ASIC2: variants seen among roughly 807,000 people sequenced by gnomAD.
ASIC2 encodes acid sensing ion channel subunit 2.
A neutral mutation model predicts 57.3 loss-of-function variants in ASIC2; 25 were observed. The ratio of observed to expected loss-of-function variants is 0.44; its 90% confidence interval spans 0.32 to 0.61. The LOEUF is 0.61. Ranked by LOEUF, ASIC2 falls within the 20% of genes least tolerant of loss-of-function variation. The probability of loss-of-function intolerance (pLI) is 0.06; values close to 1 mark genes in which losing one functional copy is unlikely to be tolerated. For missense variants in ASIC2, 641 were observed against 738.1 expected (o/e 0.87, Z 1.52); for synonymous variants, 319 against 307.5 (o/e 1.04, Z -0.39).
intron 1 of ASIC2, among the ~76,000 whole-genome samples, chr17:33,613,062 A>C (rs986017020): frequency 2.0e-5 from 3 of 152,160 alleles, no homozygotes; most frequent in Admixed American, 2.0e-4. Context: ...ATTACCAGAG[A>C]GCCTTGGGGT....
At chr17:33,021,162 T>TGCCCCCCC in intron 7 of ASIC2, 57 bp downstream of exon 7, 1 of 694,008 alleles carries the variant, frequency 1.4e-6, no homozygotes, top group South Asian at 1.5e-5. Flanking sequence ...CTGTGCATCC[T>TGCCCCCCC]CCCTCCCTCC....
intron 1 of ASIC2, among the ~76,000 whole-genome samples, chr17:33,704,871 T>C (rs566176812): frequency 6.6e-5 from 10 of 152,318 alleles, no homozygotes; most frequent in South Asian, 2.1e-4. Flanking sequence ...AGGTACGAAG[T>C]AGATATACTA....
At chr17:33,538,095 G>T (rs1915292896) in intron 1 of ASIC2, among the ~76,000 whole-genome samples, 1 of 152,216 alleles carries the variant, frequency 6.6e-6, no homozygotes, top group Non-Finnish European at 1.5e-5. Flanking sequence ...TGCTTGGCAT[G>T]CAGTAAGTGT....
intron 1 of ASIC2, among the ~76,000 whole-genome samples, chr17:33,443,330 T>C (rs1911889495): frequency 6.6e-6 from 1 of 151,946 alleles, no homozygotes; most frequent in South Asian, 2.1e-4. Context: ...GTATTGTTTC[T>C]TCTTTAAAAA....
intron 1 of ASIC2, among the ~76,000 whole-genome samples, chr17:33,122,484 A>T (rs1285567122): frequency 6.6e-6 from 1 of 152,174 alleles, no homozygotes; most frequent in Non-Finnish European, 1.5e-5. Context: ...TTCTGGGCTC[A>T]TGGTTCCTGT....
intron 1 of ASIC2, among the ~76,000 whole-genome samples, chr17:34,032,341 C>T (rs1249214151): frequency 1.3e-5 from 2 of 151,904 alleles, no homozygotes; most frequent in Non-Finnish European, 2.9e-5. Context: ...CAGGCCTGCC[C>T]TACAAGAGCT....
At chr17:33,592,460 G>C (rs1904857515) in intron 1 of ASIC2, among the ~76,000 whole-genome samples, 1 of 152,278 alleles carries the variant, frequency 6.6e-6, no homozygotes, top group African/African-American at 2.4e-5. Flanking sequence ...GGGAAGCTTA[G>C]AGGGGGTCAG....
intron 2 of ASIC2, among the ~76,000 whole-genome samples, chr17:33,098,175 T>G (rs967642929): frequency 6.6e-6 from 1 of 152,198 alleles, no homozygotes; most frequent in Admixed American, 6.5e-5. Flanking sequence ...GCAAATGTCT[T>G]TACCTCACTG....
intron 1 of ASIC2, among the ~76,000 whole-genome samples, chr17:33,546,087 G>C (rs570743206): frequency 6.7e-6 from 1 of 149,608 alleles, no homozygotes; most frequent in African/African-American, 2.5e-5. Flanking sequence ...TGCATTTATG[G>C]GTGAAGTTTT....
chr17:33,457,064 C>T (rs1164850522), intron 1 of ASIC2, among the ~76,000 whole-genome samples: 1 of 152,122 alleles, frequency 6.6e-6, no homozygotes, highest in Non-Finnish European at 1.5e-5. Context: ...GTTTTCTTAA[C>T]TGTAATATGA....
intron 1 of ASIC2, among the ~76,000 whole-genome samples, chr17:33,165,716 C>T (rs1567769920): frequency 6.6e-6 from 1 of 152,070 alleles, no homozygotes; most frequent in Non-Finnish European, 1.5e-5. Flanking sequence ...AAGGACATAG[C>T]TAATTTGGTT....
intron 1 of ASIC2, among the ~76,000 whole-genome samples, chr17:33,639,739 G>A (rs1199580448): frequency 1.3e-5 from 2 of 148,626 alleles, no homozygotes; most frequent in Admixed American, 6.7e-5. Context: ...CATACTAAGG[G>A]TGGGCAGAAA....
At chr17:33,579,789 C>A (rs1024640190) in intron 1 of ASIC2, among the ~76,000 whole-genome samples, 1 of 152,054 alleles carries the variant, frequency 6.6e-6, no homozygotes, top group Admixed American at 6.5e-5. Flanking sequence ...AACAAACTAC[C>A]ACACCGTGAA....
chr17:33,647,894 G>C (rs533525960), intron 1 of ASIC2, among the ~76,000 whole-genome samples: 20 of 152,242 alleles, frequency 1.3e-4, no homozygotes, highest in African/African-American at 4.8e-4. Flanking sequence ...GATAGCCAAG[G>C]CTTTCTTACT....
chr17:33,112,031 A>G lies in ASIC2; in HGVS notation c.745T>C (p.Ser249Pro), dbSNP rs2092260467. Residue 249 changes from serine (S) to proline (P), a missense_variant, in exon 2 of 10, where the codon TCA becomes CCA. This residue lies in a region of ASIC2 where 382 missense variants were observed against 398.0 expected (regional missense o/e 0.96). Coordinates refer to ENST00000225823, the MANE Select transcript of ASIC2 (RefSeq NM_183377.2). Reference sequence around the variant, plus strand: ...AGCAGAGGTTTGCCATCCTCGCCTGAGTTAAACATGTAACACTTCCCATAT... The same window carrying G: ...AGCAGAGGTTTGCCATCCTCGCCTGGGTTAAACATGTAACACTTCCCATAT... ...TKYGKCYMFN[S>P]GEDGKPLLTT... 1.2e-6 allele frequency: 2 copies of G among 1,613,984 alleles called. No individual in the cohort carries two copies. Among genetic ancestry groups the G allele is most frequent in the Admixed American group, 1.7e-5 (1 of 60,014 alleles).
intron 1 of ASIC2, among the ~76,000 whole-genome samples, chr17:33,341,349 T>C (rs182052891): frequency 9.5e-4 from 144 of 152,354 alleles, no homozygotes; most frequent in Non-Finnish European, 1.8e-3. Context: ...AGTGACCACA[T>C]AATTCATCAT....
chr17:33,919,093 C>G (rs1286605797), intron 1 of ASIC2, among the ~76,000 whole-genome samples: 1 of 152,134 alleles, frequency 6.6e-6, no homozygotes, highest in Non-Finnish European at 1.5e-5. Context: ...TATCTAGCTC[C>G]CTGGGCAATG....
chr17:33,435,316 C>A (rs1190340241), intron 1 of ASIC2, among the ~76,000 whole-genome samples: 1 of 152,024 alleles, frequency 6.6e-6, no homozygotes, highest in Non-Finnish European at 1.5e-5. Context: ...CAGAAATGCA[C>A]AATAAGTCTG....
At chr17:33,613,972 A>G (rs903002157) in intron 1 of ASIC2, among the ~76,000 whole-genome samples, 4 of 152,238 alleles carry the variant, frequency 2.6e-5, no homozygotes, top group African/African-American at 9.6e-5. Context: ...TTTACAGAGC[A>G]GGTTGCTAGC....
Sources: allele counts gnomAD v4.1 joint callset (sites outside exome capture counted in the v4.1 genomes callset), GRCh38; gene constraint gnomAD v4.1.1; regional missense constraint gnomAD v4.1.1; transcripts MANE v1.5; gene names NCBI Gene and HGNC (gene_info 2026-07-23, HGNC 2026-07-21).